GNG5: variants seen among roughly 807,000 people sequenced by gnomAD.
GNG5 encodes G protein subunit gamma 5, also known as guanine nucleotide-binding protein G(I)/G(S)/G(O) subunit gamma-5.
A neutral mutation model predicts 6.2 loss-of-function variants in GNG5; 2 were observed. That is an observed-to-expected ratio of 0.32 (90% CI 0.13 to 1.01). The LOEUF is 1.01. GNG5 is among the 50% of genes least tolerant of loss of function. The pLI, the probability that GNG5 is intolerant of heterozygous loss-of-function variation, is 0.48. For synonymous variants in GNG5, 24 were observed against 33.0 expected (o/e 0.73, Z 0.93); for missense variants, 57 against 80.2 (o/e 0.71, Z 1.10).
At chr1:84,501,183 G>A (rs1682050097) in intron 3 of GNG5, among the ~76,000 whole-genome samples, 1 of 152,066 alleles carries the variant, frequency 6.6e-6, no homozygotes, top group Non-Finnish European at 1.5e-5. Flanking sequence ...TCCACTGTCT[G>A]TTTGCCACCA....
intron 3 of GNG5, among the ~76,000 whole-genome samples, chr1:84,499,629 T>C (rs1195320165): frequency 6.6e-6 from 1 of 152,178 alleles, no homozygotes; most frequent in Non-Finnish European, 1.5e-5. Context: ...ATGAAATAAA[T>C]TCATTTAAAA....
intron 3 of GNG5, among the ~76,000 whole-genome samples, chr1:84,500,071 A>C (rs1434748237): frequency 6.6e-6 from 1 of 152,120 alleles, no homozygotes; most frequent in Non-Finnish European, 1.5e-5. Context: ...CAGTGATAAA[A>C]CTGTATTTAT....
At chr1:84,504,604 A>C (rs944482492) in intron 2 of GNG5, among the ~76,000 whole-genome samples, 1 of 152,080 alleles carries the variant, frequency 6.6e-6, no homozygotes, top group East Asian at 1.9e-4. Flanking sequence ...AATGACATTT[A>C]ATGGTTACGA....
At chr1:84,500,817 C>T (rs1301124897) in intron 3 of GNG5, among the ~76,000 whole-genome samples, 1 of 152,102 alleles carries the variant, frequency 6.6e-6, no homozygotes, top group African/African-American at 2.4e-5. Flanking sequence ...AAGGAGGGCA[C>T]AACTATGTAA....
At chr1:84,505,716 G>C (rs1682177679) in intron 2 of GNG5, among the ~76,000 whole-genome samples, 1 of 152,212 alleles carries the variant, frequency 6.6e-6, no homozygotes, top group Non-Finnish European at 1.5e-5. Context: ...AGGCTGCCAA[G>C]GGAGGTAGAG....
At chr1:84,500,585 A>C (rs958369361) in intron 3 of GNG5, among the ~76,000 whole-genome samples, 2 of 152,238 alleles carry the variant, frequency 1.3e-5, no homozygotes, top group Non-Finnish European at 2.9e-5. Context: ...TGAAGAATTA[A>C]ATGAATAGTA....
chr1:84,502,490 T>G (rs1012156773), intron 2 of GNG5, among the ~76,000 whole-genome samples: 5 of 152,198 alleles, frequency 3.3e-5, no homozygotes, highest in Non-Finnish European at 7.3e-5. Flanking sequence ...TAATTAAGTA[T>G]GTTTTCTTTT....
chr1:84,502,200 G>A (rs1339742719), intron 2 of GNG5, among the ~76,000 whole-genome samples: 5 of 143,824 alleles, frequency 3.5e-5, no homozygotes, highest in Non-Finnish European at 4.5e-5. Flanking sequence ...ACAGTGGTGC[G>A]ATCTCGGCTC....
At position 84,506,172 on chromosome 1, in the gene GNG5, C is replaced by G; in HGVS notation, c.-81G>C. 1.7e-6 allele frequency: 2 copies of G among 1,164,376 alleles called. No homozygotes were observed. Among genetic ancestry groups the G allele is most frequent in the South Asian group, 1.6e-5 (1 of 63,936 alleles). The allele number at this position is 1,164,376 out of a possible 1,614,324, so 72.1% of individuals were successfully genotyped here. A position where few individuals can be genotyped will look rare whatever the true frequency, so the allele number is the denominator to read the frequency against. On this transcript the variant is annotated 5_prime_UTR_variant, in exon 2 of 4. Transcript: ENST00000370645. The stretch of plus-strand genomic sequence containing the variant: ...GGCGGGGCCAGACAACTCAGCGGCG[C>G]GCGGCGGGGGCGGGGCTCCGAACTT...
chr1:84,499,838 G>A (rs770472280), intron 3 of GNG5, among the ~76,000 whole-genome samples: 2 of 152,118 alleles, frequency 1.3e-5, no homozygotes, highest in African/African-American at 2.4e-5. Context: ...ATACAGGGCC[G>A]GGCACGGTGG....
intron 2 of GNG5, 52 bp downstream of exon 2, chr1:84,505,959 C>A (rs1474234658): frequency 1.0e-5 from 12 of 1,196,500 alleles, no homozygotes; most frequent in Non-Finnish European, 1.1e-5. Flanking sequence ...GCCGCCGGAT[C>A]CCACCCGCCG....
intron 2 of GNG5, among the ~76,000 whole-genome samples, chr1:84,505,187 G>T (rs1291027615): frequency 6.6e-6 from 1 of 152,318 alleles, no homozygotes; most frequent in South Asian, 2.1e-4. Context: ...GAAATACTTA[G>T]AACAGCACTT....
chr1:84,506,202 T>A lies in GNG5; in HGVS notation c.-111A>T. 1 of 811,906 alleles carries A rather than the reference T, an allele frequency of 1.2e-6. No individual in the cohort carries two copies. Among genetic ancestry groups the A allele is most frequent in the Non-Finnish European group, 1.8e-6 (1 of 551,210 alleles). The allele number at this position is 811,906 out of a possible 1,614,324, so 50.3% of individuals were successfully genotyped here. A position where few individuals can be genotyped will look rare whatever the true frequency, so the allele number is the denominator to read the frequency against. Reference sequence around the variant, plus strand: ...CGGGGGCGGGGCTCCGAACTTTGTCTCTAAGTTTCCGGTTCTGTGCTCAGC... The same window carrying A: ...CGGGGGCGGGGCTCCGAACTTTGTCACTAAGTTTCCGGTTCTGTGCTCAGC... On this transcript the variant is annotated 5_prime_UTR_variant, in exon 2 of 4. Transcript: ENST00000370645.
rs115348276 is a variant in GNG5 at position 84,505,529 on chromosome 1, G to A, written c.81+482C>T. Among the ~76,000 whole-genome samples, 324 of 152,326 alleles carry A rather than the reference G, an allele frequency of 2.1e-3. 3 individuals are homozygous for A. Among genetic ancestry groups the A allele is most frequent in the African/African-American group, 7.5e-3 (310 of 41,570 alleles). On this transcript the variant is annotated intron_variant, in intron 2 of 3. Coordinates refer to ENST00000370645, the MANE Select transcript of GNG5 (RefSeq NM_005274.3). Reference sequence around the variant, plus strand: ...TGTTCAACGGACAAGAGAAGTTGAAGGTAAGAATTTAATACTAAAGGAAGT... The same window carrying A: ...TGTTCAACGGACAAGAGAAGTTGAAAGTAAGAATTTAATACTAAAGGAAGT...
rs923326219 is a variant in GNG5 at position 84,506,149 on chromosome 1, C to G, written c.-58G>C. Reference sequence around the variant, plus strand: ...CGGTGGGTCGTGGGCCGTGGGTCGGCGGGGCCAGACAACTCAGCGGCGCGC... The same window carrying G: ...CGGTGGGTCGTGGGCCGTGGGTCGGGGGGGCCAGACAACTCAGCGGCGCGC... On this transcript the variant is annotated 5_prime_UTR_variant, in exon 2 of 4. Transcript: ENST00000370645. 18 of 1,446,464 alleles carry G rather than the reference C, an allele frequency of 1.2e-5. No individual in the cohort carries two copies. In the African/African-American group the frequency reaches 2.2e-4, roughly 18 times the overall value. The allele number at this position is 1,446,464 out of a possible 1,614,324, so 89.6% of individuals were successfully genotyped here.
At chr1:84,498,577 A>C (rs1681988247) in intron 3 of GNG5, 29 bp from the exon 4 acceptor site, 2 of 150,476 alleles carry the variant, frequency 1.3e-5, no homozygotes, top group South Asian at 4.2e-4. Context: ...AAAAAAGGTG[A>C]GTTAGGGTAA....
chr1:84,500,597 C>G (rs1373665606), intron 3 of GNG5, among the ~76,000 whole-genome samples: 1 of 152,002 alleles, frequency 6.6e-6, no homozygotes, highest in Non-Finnish European at 1.5e-5. Flanking sequence ...TGAATAGTAC[C>G]AGAAACAAAG....
chr1:84,500,386 A>C (rs889818202), intron 3 of GNG5, among the ~76,000 whole-genome samples: 10 of 152,218 alleles, frequency 6.6e-5, no homozygotes, highest in Admixed American at 3.9e-4. Context: ...TCTTACCCCC[A>C]GCCATATTTT....
intron 2 of GNG5, 92 bp from the exon 3 acceptor site, chr1:84,502,062 A>T: frequency 6.8e-6 from 6 of 882,536 alleles, no homozygotes; most frequent in Non-Finnish European, 1.1e-5. Flanking sequence ...ACTTACAATA[A>T]AACAGTACTT....
Sources: allele counts gnomAD v4.1 joint callset (sites outside exome capture counted in the v4.1 genomes callset), GRCh38; gene constraint gnomAD v4.1.1; transcripts MANE v1.5; gene names NCBI Gene and HGNC (gene_info 2026-07-23, HGNC 2026-07-21).